NELL1: variants seen among roughly 807,000 people sequenced by gnomAD.
NELL1 encodes the protein protein kinase C-binding protein NELL1.
A neutral mutation model predicts 107.4 loss-of-function variants in NELL1; 76 were observed. The ratio of observed to expected loss-of-function variants is 0.71; its 90% CI spans 0.59 to 0.86. The LOEUF (loss-of-function observed/expected upper bound fraction) is 0.86, where lower values mean the gene tolerates loss of function less well. NELL1 is among the 40% of genes least tolerant of loss of function. NELL1 has a pLI of 0.00. For missense variants in NELL1, 1,024 were observed against 1,005.5 expected (o/e 1.02, Z -0.25); for synonymous variants, 353 against 341.2 (o/e 1.03, Z -0.38).
chr11:21,438,977 A>G (rs1364270295), intron 15 of NELL1, among the ~76,000 whole-genome samples: 1 of 151,904 alleles, frequency 6.6e-6, no homozygotes, highest in East Asian at 1.9e-4. Context: ...GACTCATGAG[A>G]GGCAAGCCAC....
intron 15 of NELL1, among the ~76,000 whole-genome samples, chr11:21,437,428 C>T (rs1320515915): frequency 1.3e-5 from 2 of 152,072 alleles, no homozygotes; most frequent in African/African-American, 4.8e-5. Context: ...GGTGCGATCT[C>T]GGCTCACCGC....
intron 14 of NELL1, among the ~76,000 whole-genome samples, chr11:21,285,681 C>A (rs1297099508): frequency 6.6e-6 from 1 of 152,140 alleles, no homozygotes; most frequent in Non-Finnish European, 1.5e-5. Context: ...GGCACTAGAC[C>A]CACAACATTT....
At chr11:21,029,562 T>C (rs1401808663) in intron 12 of NELL1, among the ~76,000 whole-genome samples, 1 of 152,138 alleles carries the variant, frequency 6.6e-6, no homozygotes. Context: ...TGAATCCCTG[T>C]GCAAATGCCT....
At chr11:21,169,340 T>G (rs1856553103) in intron 13 of NELL1, among the ~76,000 whole-genome samples, 1 of 151,850 alleles carries the variant, frequency 6.6e-6, no homozygotes, top group South Asian at 2.1e-4. Context: ...AAGCTGGAAC[T>G]TGCTAGAAAG....
At chr11:20,700,875 A>G (rs1178323178) in intron 2 of NELL1, among the ~76,000 whole-genome samples, 3 of 152,198 alleles carry the variant, frequency 2.0e-5, no homozygotes, top group African/African-American at 2.4e-5. Context: ...TCCATGGTGT[A>G]TATGTGCCAC....
intron 3 of NELL1, among the ~76,000 whole-genome samples, chr11:20,786,859 T>A (rs112998846): frequency 6.6e-6 from 1 of 151,364 alleles, no homozygotes; most frequent in Non-Finnish European, 1.5e-5. Flanking sequence ...ATACAAAAAA[T>A]TAGCCGGGCA....
At position 20,847,634 on chromosome 11, in the gene NELL1, C is replaced by T; in HGVS notation, c.387C>T (p.Tyr129=). 2.5e-6 allele frequency: 4 copies of T among 1,613,890 alleles called. No homozygotes were observed. The highest frequency in any genetic ancestry group is 3.4e-6 in the Non-Finnish European group (4 of 1,179,868). ...TGAGGGATGAGATTCGGTATCACTACATACACAATGGGAAGCCAAGGACAG... is the reference window on the plus strand; with the variant it reads ...TGAGGGATGAGATTCGGTATCACTATATACACAATGGGAAGCCAAGGACAG... ...SGLRDEIRYH[Y]IHNGKPRTEA... is the part of the protein sequence containing the mutation. Residue 129 remains tyrosine, a synonymous_variant, in exon 4 of 20, where the codon TAC becomes TAT. Coordinates refer to ENST00000357134, the MANE Select transcript of NELL1 (RefSeq NM_006157.5).
chr11:21,489,394 A>AAAAAAAAAAAAAAAAC (rs1854736738), intron 15 of NELL1, among the ~76,000 whole-genome samples: 1 of 146,828 alleles, frequency 6.8e-6, no homozygotes, highest in Non-Finnish European at 1.5e-5. Context: ...AAAAAAAAAA[A>AAAAAAAAAAAAAAAAC]AAAAAAAAAA....
chr11:21,535,875 C>CTTCT (rs1856123617), intron 16 of NELL1, among the ~76,000 whole-genome samples: 1 of 152,134 alleles, frequency 6.6e-6, no homozygotes, highest in South Asian at 2.1e-4. Context: ...CTGCCAGGTA[C>CTTCT]TTCTGTACAT....
At chr11:21,134,309 G>A (rs1855692858) in intron 13 of NELL1, among the ~76,000 whole-genome samples, 1 of 152,148 alleles carries the variant, frequency 6.6e-6, no homozygotes, top group African/African-American at 2.4e-5. Flanking sequence ...ATAGGGTTTT[G>A]TCCTTATTGT....
At chr11:21,476,186 CTATAGAAAATAAACTTATTAATTT>C (rs1484038541) in intron 15 of NELL1, among the ~76,000 whole-genome samples, 2 of 152,204 alleles carry the variant, frequency 1.3e-5, no homozygotes, top group Admixed American at 1.3e-4. Context: ...AATATATATA[CTATAGAAAATAAACTTATTAATTT>C]TAGCTGTGCC....
chr11:20,752,570 T>C (rs1856166078), intron 2 of NELL1, among the ~76,000 whole-genome samples: 2 of 152,082 alleles, frequency 1.3e-5, no homozygotes, highest in Non-Finnish European at 2.9e-5. Context: ...AATAAATACA[T>C]AAAATCCTTA....
At chr11:20,826,260 C>T (rs1452080069) in intron 3 of NELL1, among the ~76,000 whole-genome samples, 1 of 151,186 alleles carries the variant, frequency 6.6e-6, no homozygotes. Context: ...GACCGAGAAA[C>T]TAGGTTCTTC....
intron 7 of NELL1, chr11:20,927,078 C>T: frequency 6.5e-6 from 3 of 460,280 alleles, no homozygotes; most frequent in African/African-American, 2.0e-5. Context: ...AGTTTAATGT[C>T]TCATTTGGTA....
At chr11:21,322,329 T>C (rs1590835710) in intron 14 of NELL1, among the ~76,000 whole-genome samples, 1 of 152,154 alleles carries the variant, frequency 6.6e-6, no homozygotes, top group Non-Finnish European at 1.5e-5. Flanking sequence ...ATGGCATCTA[T>C]GGTTCCTTCT....
In NELL1 at chr11:21,382,966, C is replaced by T. The variant is rs146148831; in HGVS notation, c.1645+12018C>T. On this transcript the variant is annotated intron_variant, in intron 15 of 19. Coordinates refer to ENST00000357134, the MANE Select transcript of NELL1 (RefSeq NM_006157.5). Reference sequence around the variant, plus strand: ...AAGAAAATCTAGCTTTCTGTGAAACCGTGAGCAACTGGAGCCCAGAAGTTA... The same window carrying T: ...AAGAAAATCTAGCTTTCTGTGAAACTGTGAGCAACTGGAGCCCAGAAGTTA... 5.3e-3 allele frequency among the ~76,000 whole-genome samples: 808 copies of T among 151,962 alleles called. 4 individuals carry two copies. Among genetic ancestry groups the T allele is most frequent in the African/African-American group, 0.019 (769 of 41,524 alleles).
At chr11:21,015,343 T>C (rs531838569) in intron 12 of NELL1, among the ~76,000 whole-genome samples, 6 of 152,180 alleles carry the variant, frequency 3.9e-5, no homozygotes, top group African/African-American at 1.2e-4. Context: ...TTGAAATTAT[T>C]GCTGTGATTA....
chr11:20,750,762 A>AT (rs935957790), intron 2 of NELL1, among the ~76,000 whole-genome samples: 20 of 151,896 alleles, frequency 1.3e-4, no homozygotes, highest in South Asian at 4.2e-4. Context: ...AATTTTTTGT[A>AT]TTTTTTGTAG....
chr11:21,369,101 G>A (rs973086327), intron 14 of NELL1, among the ~76,000 whole-genome samples: 3 of 152,014 alleles, frequency 2.0e-5, no homozygotes, highest in African/African-American at 4.8e-5. Context: ...TAGATGAAGT[G>A]CAGTTTCAAC....
Sources: allele counts gnomAD v4.1 joint callset (sites outside exome capture counted in the v4.1 genomes callset), GRCh38; gene constraint gnomAD v4.1.1; transcripts MANE v1.5; gene names NCBI Gene and HGNC (gene_info 2026-07-23, HGNC 2026-07-21).